Variants in SLC2A13 observed in about 807,000 individuals in gnomAD.
The protein encoded by SLC2A13 is proton myo-inositol cotransporter.
In SLC2A13, 32 loss-of-function variants were observed where a neutral mutation model predicts 64.4. The observed-to-expected ratio is 0.50, with a 90% CI of 0.37 to 0.67. SLC2A13 has a LOEUF of 0.67. Ranked by LOEUF, SLC2A13 falls within the 30% of genes least tolerant of loss-of-function variation. SLC2A13 has a pLI of 0.00. For synonymous variants in SLC2A13, 338 were observed against 327.1 expected (o/e 1.03, Z -0.36); for missense variants, 743 against 829.2 (o/e 0.90, Z 1.28).
At chr12:39,950,734 T>C (rs917560318) in intron 4 of SLC2A13, 5 of 152,456 alleles carry the variant, frequency 3.3e-5, no homozygotes, top group African/African-American at 4.8e-5. Context: ...ACTCTTAAAA[T>C]TAGAGAACAG....
chr12:39,981,729 C>T (rs1346393371), intron 3 of SLC2A13, among the ~76,000 whole-genome samples: 2 of 150,422 alleles, frequency 1.3e-5, no homozygotes, highest in African/African-American at 2.4e-5. Flanking sequence ...GGATTCACAG[C>T]CGAATTCTAC....
chr12:39,888,593 T>C (rs1944525216), intron 4 of SLC2A13, among the ~76,000 whole-genome samples: 1 of 152,170 alleles, frequency 6.6e-6, no homozygotes, highest in African/African-American at 2.4e-5. Context: ...CAAAAACCTA[T>C]CCTACTTTTG....
At chr12:39,788,213 C>T (rs193184085) in intron 7 of SLC2A13, among the ~76,000 whole-genome samples, 124 of 152,132 alleles carry the variant, frequency 8.2e-4, no homozygotes, top group African/African-American at 2.8e-3. Flanking sequence ...CATTTATAAA[C>T]CTATGAATAT....
intron 4 of SLC2A13, among the ~76,000 whole-genome samples, chr12:39,891,101 C>T (rs774472110): frequency 1.4e-5 from 2 of 146,240 alleles, no homozygotes; most frequent in Non-Finnish European, 3.0e-5. Context: ...CTAAGAATCT[C>T]TCAAAGTTTC....
chr12:39,822,094 A>G (rs1356814015), intron 7 of SLC2A13, among the ~76,000 whole-genome samples: 2 of 107,654 alleles, frequency 1.9e-5, no homozygotes, highest in African/African-American at 3.7e-5. Flanking sequence ...AACAGTCCCC[A>G]GAGTGTGATG....
chr12:40,053,748 G>T (rs983012117), intron 1 of SLC2A13, among the ~76,000 whole-genome samples: 1 of 152,134 alleles, frequency 6.6e-6, no homozygotes, highest in Non-Finnish European at 1.5e-5. Flanking sequence ...ATGAAACTGG[G>T]AAAGTAGGAG....
At chr12:40,035,969 G>A (rs901256433) in intron 2 of SLC2A13, among the ~76,000 whole-genome samples, 1 of 152,184 alleles carries the variant, frequency 6.6e-6, no homozygotes, top group African/African-American at 2.4e-5. Context: ...TCACAGTACT[G>A]TTGCTGAAAA....
chr12:39,830,102 C>T lies in SLC2A13; in HGVS notation c.1445+1G>A. The stretch of plus-strand genomic sequence containing the variant: ...TTCGTATGGTAAAATGAGTGATATA[C>T]CTGCCCCAGGCTGCCTCATTTGTAG... On this transcript the variant is annotated splice_donor_variant, in intron 7 of 9. Transcript: ENST00000280871. LOFTEE classifies it high-confidence loss of function. 1 of 1,613,508 alleles carries T rather than the reference C, an allele frequency of 6.2e-7. No homozygotes were observed. Among genetic ancestry groups the T allele is most frequent in the Non-Finnish European group, 8.5e-7 (1 of 1,179,660 alleles).
At chr12:39,884,501 T>C (rs1451036407) in intron 4 of SLC2A13, among the ~76,000 whole-genome samples, 3 of 152,110 alleles carry the variant, frequency 2.0e-5, no homozygotes, top group African/African-American at 7.2e-5. Context: ...GACATTTTCA[T>C]AGAAAATAAG....
intron 7 of SLC2A13, among the ~76,000 whole-genome samples, chr12:39,785,278 C>G (rs941614677): frequency 2.0e-5 from 3 of 152,152 alleles, no homozygotes; most frequent in Non-Finnish European, 2.9e-5. Flanking sequence ...CCCTGTGTCC[C>G]AGCTGCTCCA....
At chr12:39,918,715 T>G (rs573822182) in intron 4 of SLC2A13, among the ~76,000 whole-genome samples, 8 of 152,008 alleles carry the variant, frequency 5.3e-5, no homozygotes, top group Admixed American at 1.3e-4. Flanking sequence ...GCACATGTAT[T>G]CACAGTTTAA....
At chr12:40,039,967 T>G (rs1948058083) in intron 2 of SLC2A13, among the ~76,000 whole-genome samples, 1 of 152,232 alleles carries the variant, frequency 6.6e-6, no homozygotes, top group African/African-American at 2.4e-5. Context: ...GCTCCATACA[T>G]TCACACATTC....
intron 1 of SLC2A13, among the ~76,000 whole-genome samples, chr12:40,057,138 T>C (rs1402262201): frequency 6.6e-6 from 1 of 152,024 alleles, no homozygotes; most frequent in Non-Finnish European, 1.5e-5. Context: ...TACATAATAA[T>C]AACAAAAGTA....
intron 3 of SLC2A13, among the ~76,000 whole-genome samples, chr12:39,964,806 CA>C (rs1946479005): frequency 6.6e-6 from 1 of 152,140 alleles, no homozygotes. Context: ...GGCTGACGAA[CA>C]CACAGTCTAT....
chr12:40,105,922 C>T lies in SLC2A13; in HGVS notation c.-114G>A, dbSNP rs1029181446. ...CCGCCGCTGCCGCCGCTTTCTTCCT[C>T]CCGGCTTCCGCTCCGGCTGCCACGG... is the stretch of plus-strand genomic sequence containing the variant. On this transcript the variant is annotated 5_prime_UTR_variant, in exon 1 of 10. Coordinates refer to ENST00000280871, the MANE Select transcript of SLC2A13 (RefSeq NM_052885.4). This position sits in a 1 kb window ranked among gnomAD's most constrained non-coding sequence, Gnocchi z 4.2. 5.7e-5 allele frequency: 70 copies of T among 1,222,132 alleles called. No individual in the cohort carries two copies. The highest frequency in any genetic ancestry group is 6.6e-5 in the Non-Finnish European group (64 of 964,264). 75.7% of individuals were successfully genotyped at this position (1,222,132 alleles called of 1,614,324 possible).
intron 1 of SLC2A13, among the ~76,000 whole-genome samples, chr12:40,097,628 A>G (rs1938996317): frequency 6.6e-6 from 1 of 152,198 alleles, no homozygotes. Flanking sequence ...GCCTATGAAA[A>G]AATGTTCCAC....
At chr12:39,792,919 G>C (rs764854105) in intron 7 of SLC2A13, among the ~76,000 whole-genome samples, 1 of 151,950 alleles carries the variant, frequency 6.6e-6, no homozygotes, top group Admixed American at 6.6e-5. Context: ...TTTCTCTATG[G>C]TATCTTTTTG....
intron 3 of SLC2A13, among the ~76,000 whole-genome samples, chr12:39,978,017 T>C (rs1272343658): frequency 6.6e-6 from 1 of 152,230 alleles, no homozygotes; most frequent in African/African-American, 2.4e-5. Flanking sequence ...CCCACCACAC[T>C]GTAAGCTCTG....
In SLC2A13 at chr12:39,760,270, A is replaced by C. The variant is rs375212697; in HGVS notation, c.1721-18T>G. Reference sequence around the variant, plus strand: ...GAAAGCTCCTGCAACGGAATATAATAGATACATGAATATGAATATATAGAG... The same window carrying C: ...GAAAGCTCCTGCAACGGAATATAATCGATACATGAATATGAATATATAGAG... On this transcript the variant is annotated intron_variant, in intron 9 of 9. Transcript: ENST00000280871. 38 of 1,587,784 alleles carry C rather than the reference A, an allele frequency of 2.4e-5. No individual in the cohort carries two copies. In the Middle Eastern group the frequency reaches 6.6e-4, roughly 28 times the overall value.
Sources: allele counts gnomAD v4.1 joint callset (sites outside exome capture counted in the v4.1 genomes callset), GRCh38; gene constraint gnomAD v4.1.1; non-coding constraint Gnocchi (gnomAD v3.1); transcripts MANE v1.5; gene names NCBI Gene and HGNC (gene_info 2026-07-23, HGNC 2026-07-21).